PBX1: variants seen among roughly 807,000 people sequenced by gnomAD.
PBX1 encodes PBX homeobox 1, also known as pre-B-cell leukemia transcription factor 1.
In PBX1, 6 loss-of-function variants were observed where a neutral mutation model predicts 53.4. The observed-to-expected ratio is 0.11, with a 90% confidence interval of 0.06 to 0.22. The LOEUF is 0.22. Among genes scored for constraint, PBX1 ranks in the 10% least tolerant of loss-of-function variants. The pLI, the probability that PBX1 is intolerant of heterozygous loss-of-function variation, is 1.00. For missense variants in PBX1, 251 were observed against 551.4 expected, an observed-to-expected ratio of 0.46 and a Z score of 5.46; for synonymous variants, 204 against 212.3, an observed-to-expected ratio of 0.96 and a Z score of 0.34.
rs148228001 is a variant in PBX1 at position 164,811,427 on chromosome 1, A to G, written c.838-563A>G. ...ATGTAGATAACACTAAGCTTTACAC[A>G]AAATAGTCAGTGAAATCTGGTAGAT... On this transcript the variant is annotated intron_variant, in intron 5 of 8. Coordinates refer to ENST00000420696, the MANE Select transcript of PBX1 (RefSeq NM_002585.4). Among the ~76,000 whole-genome samples the G allele has an allele frequency of 2.8e-3, 426 of 152,370 alleles. 3 individuals are homozygous for G. Among genetic ancestry groups the G allele is most frequent in the African/African-American group, 9.4e-3 (392 of 41,594 alleles).
intron 2 of PBX1, among the ~76,000 whole-genome samples, chr1:164,703,523 CA>C (rs1663253276): frequency 6.6e-6 from 1 of 152,150 alleles, no homozygotes; most frequent in East Asian, 1.9e-4. Context: ...GACACAAACA[CA>C]TATGTACAAA....
chr1:164,775,536 C>T (rs892095017), intron 2 of PBX1, among the ~76,000 whole-genome samples: 16 of 152,168 alleles, frequency 1.1e-4, no homozygotes, highest in South Asian at 2.1e-4. Flanking sequence ...CCTACCAGCC[C>T]ATCTCTGGTC....
intron 2 of PBX1, among the ~76,000 whole-genome samples, chr1:164,671,827 T>C (rs1194245335): frequency 6.6e-6 from 1 of 152,148 alleles, no homozygotes; most frequent in Non-Finnish European, 1.5e-5. Flanking sequence ...GTATATATTA[T>C]CCTGGTATCT....
At chr1:164,825,349 C>T (rs1282596743) in intron 8 of PBX1, among the ~76,000 whole-genome samples, 12 of 152,124 alleles carry the variant, frequency 7.9e-5, no homozygotes, top group African/African-American at 2.4e-4. Context: ...TACATACATG[C>T]GCAGAAATTA....
chr1:164,884,487 G>C (rs1016291730), intron 2 of PBX1: 2 of 474,058 alleles, frequency 4.2e-6, no homozygotes, highest in African/African-American at 4.0e-5. Flanking sequence ...TGAAAGATCT[G>C]TGGATAGGGG....
intron 2 of PBX1, among the ~76,000 whole-genome samples, chr1:164,883,863 G>A (rs549089383): frequency 6.6e-6 from 1 of 152,136 alleles, no homozygotes; most frequent in Non-Finnish European, 1.5e-5. Flanking sequence ...TATTAAGGCT[G>A]GGTTCTATGT....
intron 2 of PBX1, among the ~76,000 whole-genome samples, chr1:164,618,360 G>A (rs969082747): frequency 6.7e-6 from 1 of 150,120 alleles, no homozygotes; most frequent in Non-Finnish European, 1.5e-5. Context: ...CTGGGGTAAG[G>A]GTTTCCTGGG....
intron 2 of PBX1, among the ~76,000 whole-genome samples, chr1:164,881,358 AAG>A (rs2102465828): frequency 1.1e-5 from 1 of 87,584 alleles, no homozygotes; most frequent in African/African-American, 3.8e-5. Context: ...GGAAGGAAGG[AAG>A]GAGGAAAAGA....
At chr1:164,642,199 C>T (rs1312490588) in intron 2 of PBX1, 2 of 152,190 alleles carry the variant, frequency 1.3e-5, no homozygotes, top group Non-Finnish European at 2.9e-5. Flanking sequence ...AGAAGGTACA[C>T]CTGCAGTTTG....
At chr1:164,624,744 A>G (rs576723460) in intron 2 of PBX1, among the ~76,000 whole-genome samples, 2 of 152,282 alleles carry the variant, frequency 1.3e-5, no homozygotes, top group South Asian at 4.1e-4. Flanking sequence ...ATTCATGTGT[A>G]TCATTCCTCC....
chr1:164,763,219 C>G lies in PBX1; in HGVS notation c.266-29275C>G, dbSNP rs1234764811. Among the ~76,000 whole-genome samples, 6 of 152,212 alleles carry G rather than the reference C, an allele frequency of 3.9e-5. No homozygotes were observed. In the East Asian group the frequency reaches 9.7e-4, roughly 25 times the overall value. On this transcript the variant is annotated intron_variant, in intron 2 of 8. Transcript: ENST00000420696. ...GCAGTTCAGGGCTGGCAGAGTGGCT[C>G]CATAGACCACAAAAAACTTAGGCTC...
At chr1:164,879,047 C>T (rs1213426074) in intron 2 of PBX1, among the ~76,000 whole-genome samples, 2 of 152,180 alleles carry the variant, frequency 1.3e-5, no homozygotes, top group South Asian at 2.1e-4. Flanking sequence ...GCAAAGTGTA[C>T]TCATCCCAAA....
intron 2 of PBX1, among the ~76,000 whole-genome samples, chr1:164,593,795 CTTATTG>C (rs1655571026): frequency 6.6e-6 from 1 of 152,142 alleles, no homozygotes; most frequent in Admixed American, 6.5e-5. Context: ...AATGCAGGCA[CTTATTG>C]TTATTATCTC....
chr1:164,615,613 G>A (rs114309426), intron 2 of PBX1, among the ~76,000 whole-genome samples: 2,686 of 152,182 alleles, frequency 0.018, 26 homozygotes, highest in Middle Eastern at 0.024. Context: ...ACAGCCAGCC[G>A]CCGCACCGTT....
chr1:164,718,801 A>G (rs1052503264), intron 2 of PBX1, among the ~76,000 whole-genome samples: 1 of 152,204 alleles, frequency 6.6e-6, no homozygotes, highest in Non-Finnish European at 1.5e-5. Context: ...GGCAGGAATT[A>G]GTTTTGAAAA....
intron 8 of PBX1, among the ~76,000 whole-genome samples, chr1:164,839,296 A>AT (rs1302000529): frequency 2.0e-5 from 3 of 152,226 alleles, no homozygotes; most frequent in Non-Finnish European, 4.4e-5. Context: ...CAGAAACAAG[A>AT]TTTTTTTAAC....
intron 2 of PBX1, among the ~76,000 whole-genome samples, chr1:164,631,323 A>C (rs532963362): frequency 6.6e-6 from 1 of 151,012 alleles, no homozygotes; most frequent in African/African-American, 2.4e-5. Context: ...GTGCTTTCTG[A>C]ACAAACTTAA....
Position 164,822,206 on chromosome 1 carries a change from C to T in PBX1, c.1200+580C>T, listed in dbSNP as rs192475818. Among the ~76,000 whole-genome samples, 7 of 152,034 alleles carry T rather than the reference C, an allele frequency of 4.6e-5. No homozygotes were observed. The East Asian group carries it at 1.2e-3, about 25-fold the overall frequency. ...CAAGCTATGTCGCACAGAGTGAAATCGATCAGACAGACACAAGGAGAACCG... is the reference window on the plus strand; with the variant it reads ...CAAGCTATGTCGCACAGAGTGAAATTGATCAGACAGACACAAGGAGAACCG... On this transcript the variant is annotated intron_variant, in intron 8 of 8. Coordinates refer to ENST00000420696, the MANE Select transcript of PBX1 (RefSeq NM_002585.4).
intron 2 of PBX1, chr1:164,770,406 A>G (rs941121936): frequency 5.3e-5 from 8 of 151,820 alleles, no homozygotes; most frequent in Non-Finnish European, 4.4e-5. Context: ...CTGTGCTCCA[A>G]CTCCTCAGCC....
Sources: gnomAD v4.1 joint callset for allele counts (sites outside exome capture counted in the v4.1 genomes callset) on GRCh38, gnomAD v4.1.1 for gene constraint, MANE v1.5 for transcripts, NCBI Gene and HGNC (gene_info 2026-07-23, HGNC 2026-07-21) for gene names.